The following E2F3 variants were observed in gnomAD, a reference collection of about 807,000 sequenced individuals.
The protein encoded by E2F3 is E2F transcription factor 3, also known as transcription factor E2F3.
Under a neutral mutation model 44.4 loss-of-function variants are expected in E2F3, and 11 were observed. The observed-to-expected ratio is 0.25, with a 90% CI of 0.16 to 0.41. The LOEUF (loss-of-function observed/expected upper bound fraction) is 0.41, where lower values mean the gene tolerates loss of function less well. Among genes scored for constraint, E2F3 ranks in the 10% least tolerant of loss-of-function variants. The pLI is 1.00. For missense variants in E2F3, 487 were observed against 583.6 expected (o/e 0.83, Z 1.70); for synonymous variants, 249 against 253.0 (o/e 0.98, Z 0.15).
Position 20,432,263 on chromosome 6 carries a change from C to A in E2F3, c.393+29638C>A, listed in dbSNP as rs139758931. ...ACTCTTCCATCTTGTATAGAACTCA[C>A]CTACTCTGGGGCCTTGGGGAGGGGG... On this transcript the variant is annotated intron_variant, in intron 1 of 6. Transcript: ENST00000346618. Among the ~76,000 whole-genome samples, 5 of 151,292 alleles carry A rather than the reference C, an allele frequency of 3.3e-5. No homozygotes were observed. The South Asian group carries it at 1.0e-3, about 32-fold the overall frequency.
rs572604169 is a variant in E2F3, at chr6:20,441,961, G to A, written c.394-37885G>A. Among the ~76,000 whole-genome samples the A allele has an allele frequency of 1.4e-4, 21 of 151,756 alleles. 1 individual carries two copies. In the South Asian group the frequency reaches 3.1e-3, roughly 23 times the overall value. Reference sequence around the variant, plus strand: ...TAGCCATGCACTAGGGGATTGACGCGGATCCTTTCTTTGACCCATCCGCAT... The same window carrying A: ...TAGCCATGCACTAGGGGATTGACGCAGATCCTTTCTTTGACCCATCCGCAT... On this transcript the variant is annotated intron_variant, in intron 1 of 6. Coordinates refer to ENST00000346618, the MANE Select transcript of E2F3 (RefSeq NM_001949.5).
intron 1 of E2F3, among the ~76,000 whole-genome samples, chr6:20,426,205 A>T (rs1435914830): frequency 1.3e-5 from 2 of 152,198 alleles, no homozygotes; most frequent in Admixed American, 1.3e-4. Context: ...GGTGGTGGGG[A>T]TCAAGTTTGT....
At position 20,402,165 on chromosome 6, in the gene E2F3, G is replaced by A; in HGVS notation, c.-68G>A. 1 of 1,484,460 alleles carries A rather than the reference G, an allele frequency of 6.7e-7. No homozygotes were observed. The highest frequency in any genetic ancestry group is 8.9e-7 in the Non-Finnish European group (1 of 1,124,990). The allele number at this position is 1,484,460 out of a possible 1,614,324, so 92.0% of individuals were successfully genotyped here. A position where few individuals can be genotyped will look rare whatever the true frequency, so the allele number is the denominator to read the frequency against. ...GAGGAGAGACTTGGAAACTCCGACT[G>A]CAAATAATAAAGAAATTGAAAACAA... On this transcript the variant is annotated 5_prime_UTR_variant, in exon 1 of 7. Transcript: ENST00000346618. This position sits in a 1 kb window ranked among gnomAD's most constrained non-coding sequence, Gnocchi z 5.6.
intron 1 of E2F3, among the ~76,000 whole-genome samples, chr6:20,479,567 T>C (rs1012387274): frequency 2.0e-5 from 3 of 152,242 alleles, no homozygotes; most frequent in Non-Finnish European, 4.4e-5. Flanking sequence ...GTTGAATCAA[T>C]GAACAAAGTG....
intron 1 of E2F3, among the ~76,000 whole-genome samples, chr6:20,433,195 A>G (rs1760463526): frequency 6.6e-6 from 1 of 152,240 alleles, no homozygotes; most frequent in African/African-American, 2.4e-5. Flanking sequence ...TACTCAAGGC[A>G]GCCTCAGCCC....
At chr6:20,403,129 C>T (rs1195184677) in intron 1 of E2F3, among the ~76,000 whole-genome samples, 2 of 149,858 alleles carry the variant, frequency 1.3e-5, no homozygotes, top group Non-Finnish European at 3.0e-5. Context: ...GCGGCGTGCT[C>T]GGAGCGCAGG....
intron 1 of E2F3, among the ~76,000 whole-genome samples, chr6:20,434,466 G>A (rs1312159930): frequency 6.6e-6 from 1 of 152,132 alleles, no homozygotes; most frequent in Non-Finnish European, 1.5e-5. Flanking sequence ...GGAATATCAA[G>A]GTGTCAGAAG....
rs566721808 is a variant in E2F3, at chr6:20,490,485, G to A, written c.*55G>A. ...CCGATATTTTTTTATCATGGAACCA[G>A]AACATCTGTCATGCAGTGTTGTCCC... On this transcript the variant is annotated 3_prime_UTR_variant, in exon 7 of 7. Transcript: ENST00000346618. The surrounding 1 kb of genome is among the most constrained non-coding windows in gnomAD (Gnocchi z 4.3). The A allele has an allele frequency of 4.6e-6, 7 of 1,508,906 alleles. 1 individual carries two copies. The South Asian group carries it at 5.4e-5, about 12-fold the overall frequency. The allele number at this position is 1,508,906 out of a possible 1,614,324, so 93.5% of individuals were successfully genotyped here.
chr6:20,463,202 T>C (rs999509729), intron 1 of E2F3, among the ~76,000 whole-genome samples: 28 of 152,216 alleles, frequency 1.8e-4, no homozygotes, highest in Admixed American at 1.6e-3. Flanking sequence ...TTACAAGGCA[T>C]GAGCCCCACT....
At chr6:20,416,828 G>A (rs1360253285) in intron 1 of E2F3, among the ~76,000 whole-genome samples, 1 of 152,134 alleles carries the variant, frequency 6.6e-6, no homozygotes, top group Non-Finnish European at 1.5e-5. Context: ...AGTTTACAAA[G>A]GATAGTCTTA....
chr6:20,447,122 A>G (rs927486387), intron 1 of E2F3, among the ~76,000 whole-genome samples: 2 of 152,184 alleles, frequency 1.3e-5, no homozygotes, highest in Non-Finnish European at 2.9e-5. Context: ...GAAAATAGGT[A>G]GATCCTCTGA....
chr6:20,484,328 G>T (rs1762322897), intron 4 of E2F3, among the ~76,000 whole-genome samples: 1 of 152,204 alleles, frequency 6.6e-6, no homozygotes, highest in African/African-American at 2.4e-5. Flanking sequence ...TCACCATTCA[G>T]TTCCCAAATT....
At chr6:20,464,905 G>A (rs1300894015) in intron 1 of E2F3, among the ~76,000 whole-genome samples, 4 of 152,198 alleles carry the variant, frequency 2.6e-5, no homozygotes, top group Non-Finnish European at 4.4e-5. Flanking sequence ...TAGGGGAAGT[G>A]TTCCCTGGAC....
chr6:20,416,697 G>A (rs1759857791), intron 1 of E2F3, among the ~76,000 whole-genome samples: 2 of 152,144 alleles, frequency 1.3e-5, no homozygotes, highest in South Asian at 4.1e-4. Flanking sequence ...AAGTTTGTGT[G>A]TGAATCAGTG....
chr6:20,406,370 C>T (rs896977269), intron 1 of E2F3, among the ~76,000 whole-genome samples: 3 of 152,162 alleles, frequency 2.0e-5, no homozygotes, highest in Admixed American at 1.3e-4. Context: ...CTATTTAGCA[C>T]AGTGCCTGGC....
rs987247639 is a variant in E2F3, at chr6:20,402,616, C to T, written c.384C>T (p.Gly128=). ...ALGRGGSGGG[G]GPPAKRRLEL... ...GACGCGGCGGCAGCGGCGGCGGCGGCGGCCCTCCGGTAATACCCTCCCTCC... is the reference window on the plus strand; with the variant it reads ...GACGCGGCGGCAGCGGCGGCGGCGGTGGCCCTCCGGTAATACCCTCCCTCC... Residue 128 remains glycine, a synonymous_variant, in exon 1 of 7, where the codon GGC becomes GGT. Transcript: ENST00000346618. The surrounding 1 kb of genome is among the most constrained non-coding windows in gnomAD (Gnocchi z 5.6). 6 of 1,337,924 alleles carry T rather than the reference C, an allele frequency of 4.5e-6. No homozygotes were observed. The highest frequency in any genetic ancestry group is 4.0e-5 in the Admixed American group (1 of 24,728). 82.9% of individuals were successfully genotyped at this position (1,337,924 alleles called of 1,614,324 possible).
At chr6:20,462,866 T>C (rs1265527136) in intron 1 of E2F3, among the ~76,000 whole-genome samples, 14 of 13,860 alleles carry the variant, frequency 1.0e-3, no homozygotes, top group African/African-American at 1.8e-3. Flanking sequence ...TCTCTTTTTT[T>C]TTTTTTTTTT....
At chr6:20,475,869 T>C (rs1364284615) in intron 1 of E2F3, among the ~76,000 whole-genome samples, 2 of 152,180 alleles carry the variant, frequency 1.3e-5, no homozygotes, top group Admixed American at 1.3e-4. Flanking sequence ...AAGGCCTCCA[T>C]AGCAAAGCTG....
intron 1 of E2F3, among the ~76,000 whole-genome samples, chr6:20,403,519 C>T (rs1368818893): frequency 6.6e-6 from 1 of 152,112 alleles, no homozygotes; most frequent in Non-Finnish European, 1.5e-5. Flanking sequence ...CGGGACCCGC[C>T]GGTGACGTTT....
Sources: allele counts gnomAD v4.1 joint callset (sites outside exome capture counted in the v4.1 genomes callset), GRCh38; gene constraint gnomAD v4.1.1; non-coding constraint Gnocchi (gnomAD v3.1); transcripts MANE v1.5; gene names NCBI Gene and HGNC (gene_info 2026-07-23, HGNC 2026-07-21).